SORL1: variants seen among roughly 807,000 people sequenced by gnomAD.
The protein encoded by SORL1 is sortilin related receptor 1.
Under a neutral mutation model 273.7 loss-of-function variants are expected in SORL1, and 127 were observed. That is an observed-to-expected ratio of 0.46 (90% CI 0.40 to 0.54). The LOEUF (loss-of-function observed/expected upper bound fraction) is 0.54, where lower values mean the gene tolerates loss of function less well. SORL1 is among the 20% of genes least tolerant of loss of function. The pLI, the probability that SORL1 is intolerant of heterozygous loss-of-function variation, is 0.00. For synonymous variants in SORL1, 1,031 were observed against 1,067.4 expected (o/e 0.97, Z 0.66); for missense variants, 2,494 against 2,846.1 (o/e 0.88, Z 2.81).
At chr11:121,512,733 C>G (rs1282999535) in intron 6 of SORL1, among the ~76,000 whole-genome samples, 5 of 152,340 alleles carry the variant, frequency 3.3e-5, no homozygotes, top group South Asian at 2.1e-4. Flanking sequence ...AAAACCTCCT[C>G]TAGTCCAAGT....
intron 35 of SORL1, 86 bp downstream of exon 35, chr11:121,605,657 G>C: frequency 9.2e-7 from 1 of 1,082,254 alleles, no homozygotes; most frequent in Non-Finnish European, 1.4e-6. Context: ...TCAGGAATGT[G>C]GGAACATATG....
At position 121,490,719 on chromosome 11, in the gene SORL1, C is replaced by T. The variant is rs534127726; in HGVS notation, c.758+609C>T. Among the ~76,000 whole-genome samples, 252 of 129,122 alleles carry T rather than the reference C, an allele frequency of 2.0e-3. 2 individuals are homozygous for T. The highest frequency in any genetic ancestry group is 7.0e-3 in the African/African-American group (237 of 33,746). 84.7% of individuals were successfully genotyped at this position (129,122 alleles called of 152,430 possible). On this transcript the variant is annotated intron_variant, in intron 5 of 47. Transcript: ENST00000260197. ...TCGCATCACTGCACTGCAGCCTGGG[C>T]GATACAGTGAGACTCTGTCTCAAAA... is the stretch of plus-strand genomic sequence containing the variant.
Position 121,522,489 on chromosome 11 carries a change from G to A in SORL1, c.1405-97G>A, listed in dbSNP as rs116113759. 1.3e-3 allele frequency: 1,194 copies of A among 889,682 alleles called. 6 individuals carry two copies. In the African/African-American group the frequency reaches 0.016, roughly 12 times the overall value. The allele number at this position is 889,682 out of a possible 1,614,324, so 55.1% of individuals were successfully genotyped here. On this transcript the variant is annotated intron_variant, in intron 9 of 47. Transcript: ENST00000260197. Reference sequence around the variant, plus strand: ...CCCCTGGGCCAGGCCTCCTTGCCCCGTGTCAGCTGCACTCCCCTCACACAG... The same window carrying A: ...CCCCTGGGCCAGGCCTCCTTGCCCCATGTCAGCTGCACTCCCCTCACACAG...
chr11:121,458,466 C>A (rs1280559055), intron 1 of SORL1, among the ~76,000 whole-genome samples: 1 of 152,068 alleles, frequency 6.6e-6, no homozygotes, highest in Non-Finnish European at 1.5e-5. Context: ...GAGCTCACTG[C>A]ATTTTTGGTT....
intron 39 of SORL1, 129 bp from the exon 40 acceptor site, chr11:121,612,607 A>T (rs1863582845): frequency 9.2e-6 from 6 of 652,314 alleles, no homozygotes; most frequent in Non-Finnish European, 1.6e-5. Context: ...TTAAAAAACA[A>T]CCTGTTCACT....
intron 21 of SORL1, among the ~76,000 whole-genome samples, chr11:121,565,405 A>T (rs1862740953): frequency 6.6e-6 from 1 of 152,216 alleles, no homozygotes; most frequent in Non-Finnish European, 1.5e-5. Context: ...TTAACCAATG[A>T]TGTGCCCACA....
chr11:121,479,055 C>T (rs1330646888), intron 3 of SORL1, among the ~76,000 whole-genome samples: 3 of 152,096 alleles, frequency 2.0e-5, no homozygotes, highest in Non-Finnish European at 2.9e-5. Flanking sequence ...ACCCTCTGTC[C>T]CCCGGCCTCT....
intron 3 of SORL1, among the ~76,000 whole-genome samples, chr11:121,486,941 A>C (rs1035720439): frequency 6.6e-6 from 1 of 152,120 alleles, no homozygotes; most frequent in African/African-American, 2.4e-5. Flanking sequence ...CAGCCTGGGC[A>C]ACAGAGCGAG....
In SORL1 at chr11:121,625,142, A is replaced by G; in HGVS notation, c.6229A>G (p.Thr2077Ala). ...AMNITAYLGN[T>A]TDNFFKISNL... The stretch of plus-strand genomic sequence containing the variant: ...GAATATCACAGCTTACCTTGGGAAT[A>G]CTACTGACAATTTCTTTAAAATTTC... The change falls in exon 46 of 48, where the codon ACT becomes GCT. Residue 2077 changes from threonine (T) to alanine (A), a missense_variant. Physicochemically the swap from Thr to Ala is moderately conservative, Grantham distance 58 (BLOSUM62 0). This residue lies in a region of SORL1 where 1,609 missense variants were observed against 1,816.4 expected (regional missense o/e 0.89). Transcript: ENST00000260197. 1.2e-6 allele frequency: 2 copies of G among 1,613,488 alleles called. No individual in the cohort carries two copies. The highest frequency in any genetic ancestry group is 1.7e-6 in the Non-Finnish European group (2 of 1,179,420).
At chr11:121,496,608 C>G (rs1303595203) in intron 5 of SORL1, among the ~76,000 whole-genome samples, 6 of 152,196 alleles carry the variant, frequency 3.9e-5, no homozygotes, top group Non-Finnish European at 8.8e-5. Context: ...ACTTTTTGCT[C>G]TTCCTAAGCA....
intron 6 of SORL1, among the ~76,000 whole-genome samples, chr11:121,500,731 C>T (rs564254679): frequency 6.6e-6 from 1 of 152,326 alleles, no homozygotes; most frequent in African/African-American, 2.4e-5. Flanking sequence ...TGACAGGTCC[C>T]AGGCATTATC....
At chr11:121,585,514 C>CACAT (rs1161843887) in intron 26 of SORL1, among the ~76,000 whole-genome samples, 1 of 151,268 alleles carries the variant, frequency 6.6e-6, no homozygotes, top group East Asian at 1.9e-4. Context: ...CACACACACA[C>CACAT]ACACACACAC....
chr11:121,460,350 C>T (rs1343298179), intron 1 of SORL1, among the ~76,000 whole-genome samples: 1 of 149,390 alleles, frequency 6.7e-6, no homozygotes, highest in African/African-American at 2.5e-5. Context: ...TGATTTCCTT[C>T]TGACTTTGGG....
chr11:121,488,732 AG>A (rs1412369495), intron 4 of SORL1, among the ~76,000 whole-genome samples: 1 of 152,194 alleles, frequency 6.6e-6, no homozygotes, highest in African/African-American at 2.4e-5. Flanking sequence ...CTGAGAGATG[AG>A]GAAAGAGCCT....
intron 12 of SORL1, among the ~76,000 whole-genome samples, chr11:121,536,686 G>A (rs1862272291): frequency 6.6e-6 from 1 of 151,792 alleles, no homozygotes; most frequent in South Asian, 2.1e-4. Flanking sequence ...GGGATTACAG[G>A]TGTCAGCCAC....
intron 14 of SORL1, among the ~76,000 whole-genome samples, chr11:121,549,263 C>T (rs1478452437): frequency 1.3e-5 from 2 of 152,186 alleles, no homozygotes; most frequent in Non-Finnish European, 2.9e-5. Context: ...TGCTCTGTTG[C>T]CCAGGCTGGA....
In SORL1 at chr11:121,507,363, C is replaced by T. The variant is rs562408506; in HGVS notation, c.940-5640C>T. On this transcript the variant is annotated intron_variant, in intron 6 of 47. Coordinates refer to ENST00000260197, the MANE Select transcript of SORL1 (RefSeq NM_003105.6). The stretch of plus-strand genomic sequence containing the variant: ...GTCATTATTTCTTCAAATATTCTTT[C>T]TCCTTTATTCTCTCATCTCGTCAGT... Among the ~76,000 whole-genome samples the T allele has an allele frequency of 2.6e-5, 4 of 152,188 alleles. No homozygotes were observed. In the South Asian group the frequency reaches 8.3e-4, roughly 32 times the overall value.
In SORL1 at chr11:121,563,578, T is replaced by G. The variant is rs1203759167; in HGVS notation, c.3050-3362T>G. Among the ~76,000 whole-genome samples, 2 of 152,158 alleles carry G rather than the reference T, an allele frequency of 1.3e-5. No individual in the cohort carries two copies. Among genetic ancestry groups the G allele is most frequent in the Non-Finnish European group, 2.9e-5 (2 of 68,028 alleles). Reference sequence around the variant, plus strand: ...GCCTGGCTAATTTTTTGTATTTTAGTAGAGATTGGGTTTCACCATGTTGCC... The same window carrying G: ...GCCTGGCTAATTTTTTGTATTTTAGGAGAGATTGGGTTTCACCATGTTGCC... On this transcript the variant is annotated intron_variant, in intron 21 of 47. Coordinates refer to ENST00000260197, the MANE Select transcript of SORL1 (RefSeq NM_003105.6). The surrounding 1 kb of genome is among the most constrained non-coding windows in gnomAD (Gnocchi z 4.2).
At chr11:121,576,738 C>T in intron 24 of SORL1, 1 of 1,455,224 alleles carries the variant, frequency 6.9e-7, no homozygotes, top group Non-Finnish European at 9.0e-7. Context: ...GCGCATCCAC[C>T]CGTGTCCCTG....
Sources: gnomAD v4.1 joint callset for allele counts (sites outside exome capture counted in the v4.1 genomes callset) on GRCh38, gnomAD v4.1.1 for gene constraint, gnomAD v4.1.1 regional missense constraint, Gnocchi (gnomAD v3.1) non-coding constraint, MANE v1.5 for transcripts, NCBI Gene and HGNC (gene_info 2026-07-23, HGNC 2026-07-21) for gene names.